PLPP4: variants seen among roughly 807,000 people sequenced by gnomAD.
The protein encoded by PLPP4 is diacylglycerol pyrophosphate like 2.
In PLPP4, 20 loss-of-function variants were observed where a neutral mutation model predicts 32.2. The observed-to-expected ratio is 0.62, with a 90% CI of 0.44 to 0.90. The LOEUF (loss-of-function observed/expected upper bound fraction) is 0.90. PLPP4 is among the 40% of genes least tolerant of loss of function. The pLI, the probability that PLPP4 is intolerant of heterozygous loss-of-function variation, is 0.00. For synonymous variants in PLPP4, 127 were observed against 133.0 expected, an observed-to-expected ratio of 0.95 and a Z score of 0.31; for missense variants, 257 against 353.1, an observed-to-expected ratio of 0.73 and a Z score of 2.18.
chr10:120,464,853 G>C (rs1474398533), intron 1 of PLPP4, among the ~76,000 whole-genome samples: 1 of 152,128 alleles, frequency 6.6e-6, no homozygotes, highest in African/African-American at 2.4e-5. Flanking sequence ...CTGTGCAATG[G>C]GGCCCGAGTG....
At chr10:120,486,314 G>A (rs1844451430) in intron 1 of PLPP4, among the ~76,000 whole-genome samples, 1 of 151,684 alleles carries the variant, frequency 6.6e-6, no homozygotes, top group Non-Finnish European at 1.5e-5. Flanking sequence ...GCTTTTGATG[G>A]GAGACATGGA....
At chr10:120,549,779 G>A (rs1485456197) in intron 5 of PLPP4, among the ~76,000 whole-genome samples, 1 of 151,834 alleles carries the variant, frequency 6.6e-6, no homozygotes, top group Admixed American at 6.6e-5. Flanking sequence ...TGTGGAAAAA[G>A]CAACACTTAT....
In PLPP4 at chr10:120,592,028, A is replaced by G. The variant is rs11199424; in HGVS notation, c.*2526A>G. Among the ~76,000 whole-genome samples the G allele has an allele frequency of 7.9e-3, 1,196 of 152,308 alleles. 18 individuals are homozygous for G. Among genetic ancestry groups the G allele is most frequent in the East Asian group, 0.053 (275 of 5,182 alleles). On this transcript the variant is annotated 3_prime_UTR_variant, in exon 7 of 7. Transcript: ENST00000398250. ...TGCTCTATTCACGTGAAGTAAATAT[A>G]ACATCACAGTGTACCAATTAAATGG... is the stretch of plus-strand genomic sequence containing the variant.
intron 5 of PLPP4, among the ~76,000 whole-genome samples, chr10:120,566,543 C>CT (rs35692314): frequency 0.41 from 57,760 of 140,936 alleles, 11,995 homozygotes; most frequent in East Asian, 0.48. Context: ...CCTACTTATT[C>CT]TTTTTTTTTT....
At chr10:120,516,251 A>G (rs1054491028) in intron 3 of PLPP4, among the ~76,000 whole-genome samples, 11 of 152,328 alleles carry the variant, frequency 7.2e-5, no homozygotes, top group Admixed American at 5.2e-4. Flanking sequence ...TCAGGACTCT[A>G]TCGACCAGGA....
intron 5 of PLPP4, among the ~76,000 whole-genome samples, chr10:120,541,143 C>A (rs886538368): frequency 2.6e-5 from 4 of 152,218 alleles, no homozygotes; most frequent in African/African-American, 9.6e-5. Flanking sequence ...TGAGTTACTT[C>A]GTATTTAAGT....
chr10:120,496,118 C>T (rs540810554), intron 1 of PLPP4, among the ~76,000 whole-genome samples: 31 of 152,304 alleles, frequency 2.0e-4, no homozygotes, highest in African/African-American at 7.5e-4. Flanking sequence ...TGAAGTCTGT[C>T]ATCCTAGTAC....
At chr10:120,483,136 G>T (rs1159442507) in intron 1 of PLPP4, among the ~76,000 whole-genome samples, 1 of 152,200 alleles carries the variant, frequency 6.6e-6, no homozygotes, top group African/African-American at 2.4e-5. Flanking sequence ...ACATCAGACT[G>T]CAAGTTCTTC....
At chr10:120,535,289 TAATGTTATA>T (rs1846964432) in intron 5 of PLPP4, among the ~76,000 whole-genome samples, 1 of 152,148 alleles carries the variant, frequency 6.6e-6, no homozygotes, top group Non-Finnish European at 1.5e-5. Context: ...CTTCCCTACT[TAATGTTATA>T]AATTTTTAGT....
At chr10:120,481,314 A>G (rs1243839137) in intron 1 of PLPP4, among the ~76,000 whole-genome samples, 1 of 152,164 alleles carries the variant, frequency 6.6e-6, no homozygotes, top group East Asian at 1.9e-4. Context: ...GCTGTCATGG[A>G]TGGAGGGTGT....
chr10:120,460,873 A>T (rs1187884049), intron 1 of PLPP4, among the ~76,000 whole-genome samples: 1 of 152,238 alleles, frequency 6.6e-6, no homozygotes, highest in African/African-American at 2.4e-5. Context: ...AGAAAGGTTG[A>T]GTAAGTTGCC....
At chr10:120,584,461 C>G (rs1381850559) in intron 6 of PLPP4, among the ~76,000 whole-genome samples, 1 of 152,182 alleles carries the variant, frequency 6.6e-6, no homozygotes, top group Admixed American at 6.5e-5. Flanking sequence ...CATGCCCGAC[C>G]CCTGATACGT....
intron 6 of PLPP4, among the ~76,000 whole-genome samples, chr10:120,583,842 G>A (rs1470997456): frequency 6.6e-6 from 1 of 152,168 alleles, no homozygotes; most frequent in East Asian, 1.9e-4. Context: ...CCTAGGTAAT[G>A]ACATGTAGTT....
chr10:120,566,779 T>C (rs996248824), intron 5 of PLPP4, among the ~76,000 whole-genome samples: 5 of 152,210 alleles, frequency 3.3e-5, no homozygotes, highest in African/African-American at 1.2e-4. Context: ...GGTCCCGAAC[T>C]CCTGACCTCA....
intron 1 of PLPP4, among the ~76,000 whole-genome samples, chr10:120,486,672 G>A (rs1844471846): frequency 6.6e-6 from 1 of 152,190 alleles, no homozygotes; most frequent in African/African-American, 2.4e-5. Flanking sequence ...AAGGAACATC[G>A]ACAGACGTTT....
intron 5 of PLPP4, among the ~76,000 whole-genome samples, chr10:120,564,239 T>G (rs920013296): frequency 2.3e-4 from 35 of 152,096 alleles, no homozygotes; most frequent in African/African-American, 8.4e-4. Flanking sequence ...AGTTGTTTAG[T>G]AGAGCTTTAA....
chr10:120,522,360 C>G (rs1257335868), intron 5 of PLPP4, among the ~76,000 whole-genome samples: 19 of 152,166 alleles, frequency 1.2e-4, no homozygotes, highest in Non-Finnish European at 2.1e-4. Flanking sequence ...GGCAGACACT[C>G]TAAATGAATC....
At chr10:120,515,127 A>G (rs550575595) in intron 3 of PLPP4, among the ~76,000 whole-genome samples, 1 of 152,292 alleles carries the variant, frequency 6.6e-6, no homozygotes, top group Non-Finnish European at 1.5e-5. Context: ...TGAAACGAAC[A>G]GAATCCCTCT....
At chr10:120,543,605 G>A (rs1254825656) in intron 5 of PLPP4, among the ~76,000 whole-genome samples, 1 of 151,706 alleles carries the variant, frequency 6.6e-6, no homozygotes, top group African/African-American at 2.4e-5. Flanking sequence ...TTTTTTGGGT[G>A]TTGTGAAATA....
Sources: allele counts gnomAD v4.1 joint callset (sites outside exome capture counted in the v4.1 genomes callset), GRCh38; gene constraint gnomAD v4.1.1; transcripts MANE v1.5; gene names NCBI Gene and HGNC (gene_info 2026-07-23, HGNC 2026-07-21).